MRTFA: variants seen among roughly 807,000 people sequenced by gnomAD.
MRTFA encodes myocardin related transcription factor A, also known as myocardin-related transcription factor A.
A neutral mutation model predicts 83.5 loss-of-function variants in MRTFA; 20 were observed. The ratio of observed to expected loss-of-function variants is 0.24; its 90% confidence interval spans 0.17 to 0.35. MRTFA has a LOEUF of 0.35. MRTFA is among the 10% of genes least tolerant of loss of function. The probability of loss-of-function intolerance (pLI) is 1.00; values close to 1 mark genes in which losing one functional copy is unlikely to be tolerated. For missense variants in MRTFA, 1,200 were observed against 1,224.7 expected (o/e 0.98, Z 0.30); for synonymous variants, 659 against 541.2 (o/e 1.22, Z -3.02).
At chr22:40,524,903 G>T (rs866010854) in intron 3 of MRTFA, among the ~76,000 whole-genome samples, 15 of 152,136 alleles carry the variant, frequency 9.9e-5, no homozygotes, top group African/African-American at 2.4e-4. Flanking sequence ...CACCTCCCAG[G>T]TTCAAGCAAT....
At chr22:40,557,627 A>T (rs111994002) in intron 2 of MRTFA, among the ~76,000 whole-genome samples, 1 of 152,142 alleles carries the variant, frequency 6.6e-6, no homozygotes, top group East Asian at 1.9e-4. Context: ...AATTTTAAAT[A>T]GTTTTTAAAA....
intron 3 of MRTFA, among the ~76,000 whole-genome samples, chr22:40,476,859 G>A (rs567787307): frequency 2.2e-4 from 34 of 152,022 alleles, no homozygotes; most frequent in Non-Finnish European, 4.3e-4. Context: ...CATCTCTCTG[G>A]CTTGTTTTTA....
chr22:40,424,456 G>A, intron 7 of MRTFA, 75 bp from the exon 8 acceptor site: 2 of 1,505,470 alleles, frequency 1.3e-6, no homozygotes, highest in Non-Finnish European at 1.8e-6. Flanking sequence ...CTGGCTCGCA[G>A]GCCACAGGCA....
At position 40,535,816 on chromosome 22, in the gene MRTFA, G is replaced by A. The variant is rs2055161956; in HGVS notation, c.241+16290C>T. ...TGTCTCCCTCCTGCCAAAACTGTTC[G>A]CCATAGAAGAGAGCATGTAATGCCA... On this transcript the variant is annotated intron_variant, in intron 3 of 14. Coordinates refer to ENST00000355630, the MANE Select transcript of MRTFA (RefSeq NM_020831.6). Among the ~76,000 whole-genome samples the A allele has an allele frequency of 3.9e-5, 6 of 152,216 alleles. No individual in the cohort carries two copies. In the South Asian group the frequency reaches 1.2e-3, roughly 32 times the overall value.
rs1334103850 is a variant in MRTFA, at chr22:40,563,502, A to AG, written c.-21-11136dup. On this transcript the variant is annotated intron_variant, in intron 2 of 14. Transcript: ENST00000355630. Reference sequence around the variant, plus strand: ...ATATATACAAAGTCAGCACAGATACAGAAAAAAAAAAAAAAAAAGGAAAGA... The same window carrying AG: ...ATATATACAAAGTCAGCACAGATACAGGAAAAAAAAAAAAAAAAAGGAAAGA... Among the ~76,000 whole-genome samples, 98 of 143,402 alleles carry AG rather than the reference A, an allele frequency of 6.8e-4. 1 individual carries two copies. The highest frequency in any genetic ancestry group is 3.6e-3 in the Middle Eastern group (1 of 274). 94.1% of individuals were successfully genotyped at this position (143,402 alleles called of 152,430 possible).
rs2053431511 is a variant in MRTFA, at chr22:40,448,772, C to T, written c.308-13218G>A. Among the ~76,000 whole-genome samples, 2 of 152,144 alleles carry T rather than the reference C, an allele frequency of 1.3e-5. 1 individual carries two copies. Among genetic ancestry groups the T allele is most frequent in the South Asian group, 4.1e-4 (2 of 4,830 alleles). On this transcript the variant is annotated intron_variant, in intron 4 of 14. Transcript: ENST00000355630. ...CATCCAAAGTTAACTGAGTCTTTTGCCACATCCTTTGGCCCTAGCATTAGT... is the reference window on the plus strand; with the variant it reads ...CATCCAAAGTTAACTGAGTCTTTTGTCACATCCTTTGGCCCTAGCATTAGT...
intron 3 of MRTFA, among the ~76,000 whole-genome samples, chr22:40,490,494 G>A (rs2054254753): frequency 6.6e-6 from 1 of 151,874 alleles, no homozygotes; most frequent in Non-Finnish European, 1.5e-5. Flanking sequence ...AGCTACTCGG[G>A]AGGCTGAAGC....
intron 1 of MRTFA, among the ~76,000 whole-genome samples, chr22:40,597,343 T>A (rs901302930): frequency 2.0e-5 from 3 of 152,306 alleles, no homozygotes; most frequent in Admixed American, 2.0e-4. Context: ...GAACAAAAAA[T>A]TAAAGTGGAT....
intron 2 of MRTFA, among the ~76,000 whole-genome samples, chr22:40,561,282 G>T (rs1414774317): frequency 6.6e-6 from 1 of 151,700 alleles, no homozygotes; most frequent in Non-Finnish European, 1.5e-5. Flanking sequence ...AGTGTTTCCT[G>T]ATAGCTTACT....
intron 2 of MRTFA, among the ~76,000 whole-genome samples, chr22:40,573,032 G>A (rs753638402): frequency 4.6e-5 from 7 of 152,112 alleles, no homozygotes; most frequent in African/African-American, 1.7e-4. Flanking sequence ...ACCACATATT[G>A]TATTATCCAA....
At position 40,552,185 on chromosome 22, in the gene MRTFA, G is replaced by A. The variant is rs947200656; in HGVS notation, c.162C>T (p.Leu54=). ...CTAGGGTCAGCTCGGGCTGCAAGGAGAGCTCCTGCAGTTCATTGGCAACAG... is the reference window on the plus strand; with the variant it reads ...CTAGGGTCAGCTCGGGCTGCAAGGAAAGCTCCTGCAGTTCATTGGCAACAG... The change falls in exon 3 of 15, where the codon CTC becomes CTT. Residue 54 remains leucine (L), a synonymous_variant. Transcript: ENST00000355630. 5.0e-6 allele frequency: 2 copies of A among 399,050 alleles called. No individual in the cohort carries two copies. The highest frequency in any genetic ancestry group is 8.8e-6 in the Non-Finnish European group (2 of 226,088). The allele number at this position is 399,050 out of a possible 1,614,324, so 24.7% of individuals were successfully genotyped here. A position where few individuals can be genotyped will look rare whatever the true frequency, so the allele number is the denominator to read the frequency against.
chr22:40,481,914 G>T (rs2054098739), intron 3 of MRTFA, among the ~76,000 whole-genome samples: 2 of 151,986 alleles, frequency 1.3e-5, no homozygotes, highest in African/African-American at 4.8e-5. Flanking sequence ...CAAAAAGTTG[G>T]CTGGGCGTGG....
At position 40,429,626 on chromosome 22, in the gene MRTFA, C is replaced by G; in HGVS notation, c.581G>C (p.Ser194Thr). 2.5e-6 allele frequency: 4 copies of G among 1,614,156 alleles called. No individual in the cohort carries two copies. Among genetic ancestry groups the G allele is most frequent in the Non-Finnish European group, 3.4e-6 (4 of 1,180,032 alleles). ...CTCACCAATGATGGCTTCCTTCAGG[C>G]TGGACTCAACAGGAAGGATGTTCTT... is the stretch of plus-strand genomic sequence containing the variant. The change falls in exon 7 of 15, where the codon AGC (serine) becomes ACC (threonine). Residue 194 changes from serine to threonine, a missense_variant. Physicochemically the swap from Ser to Thr is moderately conservative, Grantham distance 58 (BLOSUM62 1). Coordinates refer to ENST00000355630, the MANE Select transcript of MRTFA (RefSeq NM_020831.6).
At position 40,504,420 on chromosome 22, in the gene MRTFA, A is replaced by C. The variant is rs781474820; in HGVS notation, c.242-41134T>G. ...ATCAGATAATCTCAAGATAAATGCTATATCTAATCAGAAATTAGGCCATGG... is the reference window on the plus strand; with the variant it reads ...ATCAGATAATCTCAAGATAAATGCTCTATCTAATCAGAAATTAGGCCATGG... On this transcript the variant is annotated intron_variant, in intron 3 of 14. Transcript: ENST00000355630. Among the ~76,000 whole-genome samples, 8 of 152,374 alleles carry C rather than the reference A, an allele frequency of 5.3e-5. No individual in the cohort carries two copies. In the East Asian group the frequency reaches 1.5e-3, roughly 29 times the overall value.
intron 3 of MRTFA, among the ~76,000 whole-genome samples, chr22:40,487,924 C>G (rs118031454): frequency 0.015 from 2,334 of 152,216 alleles, 32 homozygotes; most frequent in Non-Finnish European, 0.024. Flanking sequence ...TATGAACCAC[C>G]TACCATGTAT....
chr22:40,571,397 C>T (rs1462376447), intron 2 of MRTFA, among the ~76,000 whole-genome samples: 1 of 151,598 alleles, frequency 6.6e-6, no homozygotes, highest in Non-Finnish European at 1.5e-5. Context: ...TACATGGAAC[C>T]AAAGGAAAAA....
chr22:40,553,436 T>C (rs905728256), intron 2 of MRTFA, among the ~76,000 whole-genome samples: 11 of 152,282 alleles, frequency 7.2e-5, no homozygotes, highest in Middle Eastern at 3.4e-3. Flanking sequence ...CATGGTGCCC[T>C]GAGTCCCAGC....
chr22:40,610,904 G>A (rs1448808840), intron 1 of MRTFA, among the ~76,000 whole-genome samples: 2 of 142,022 alleles, frequency 1.4e-5, no homozygotes, highest in African/African-American at 2.6e-5. Context: ...ATTCATTTGT[G>A]TTCACCAAAG....
intron 2 of MRTFA, among the ~76,000 whole-genome samples, chr22:40,569,121 T>C (rs907119242): frequency 1.3e-5 from 2 of 152,126 alleles, no homozygotes; most frequent in Non-Finnish European, 2.9e-5. Flanking sequence ...GTGGGTGCAA[T>C]GGTACACACC....
Sources: gnomAD v4.1 joint callset for allele counts (sites outside exome capture counted in the v4.1 genomes callset) on GRCh38, gnomAD v4.1.1 for gene constraint, MANE v1.5 for transcripts, NCBI Gene and HGNC (gene_info 2026-07-23, HGNC 2026-07-21) for gene names.